The following ZNHIT1 variants were observed in gnomAD, a reference collection of about 807,000 sequenced individuals.
The protein encoded by ZNHIT1 is zinc finger HIT-type containing 1, also known as zinc finger HIT domain-containing protein 1.
A neutral mutation model predicts 21.4 loss-of-function variants in ZNHIT1; 20 were observed. The observed-to-expected ratio is 0.93, with a 90% CI of 0.66 to 1.36. The LOEUF (loss-of-function observed/expected upper bound fraction) is 1.36. ZNHIT1 is among the 40% of genes most tolerant of loss of function. The pLI is 0.00. For missense variants in ZNHIT1, 170 were observed against 213.5 expected (o/e 0.80, Z 1.27); for synonymous variants, 79 against 84.0 (o/e 0.94, Z 0.32).
chr7:101,224,163 TG>T lies in ZNHIT1; in HGVS notation c.*206del. 1.4e-6 allele frequency: 1 copy of T among 737,500 alleles called. No homozygotes were observed. The highest frequency in any genetic ancestry group is 2.2e-6 in the Non-Finnish European group (1 of 459,498). The allele number at this position is 737,500 out of a possible 1,614,324, so 45.7% of individuals were successfully genotyped here. On this transcript the variant is annotated 3_prime_UTR_variant, in exon 5 of 5. Transcript: ENST00000305105. ...GCAGGTAGGCTGGGCCCCCCAGTGC[TG>T]TTAGAATAAAAAGCCTCGTGCCGGA...
Position 101,223,851 on chromosome 7 carries a change from G to A in ZNHIT1, c.443+9G>A, listed in dbSNP as rs201400463. 6.2e-7 allele frequency: 1 copy of A among 1,614,028 alleles called. No individual in the cohort carries two copies. The highest frequency in any genetic ancestry group is 1.1e-5 in the South Asian group (1 of 91,076). On this transcript the variant is annotated intron_variant, in intron 4 of 4. Transcript: ENST00000305105. Reference sequence around the variant, plus strand: ...ACCCACCAGGAGACCAGGTGAGCATGAGACCTGCTGTCCACTCCCACTCCC... The same window carrying A: ...ACCCACCAGGAGACCAGGTGAGCATAAGACCTGCTGTCCACTCCCACTCCC...
chr7:101,223,647 C>T (rs1798407609), intron 3 of ZNHIT1, 26 bp from the exon 4 acceptor site: 1 of 1,611,854 alleles, frequency 6.2e-7, no homozygotes, highest in Admixed American at 1.7e-5. Flanking sequence ...CGGAGGAGTT[C>T]TAGAGCCGGC....
Position 101,218,181 on chromosome 7 carries a change from AGTTGT to A in ZNHIT1, c.-8_-4del. The A allele has an allele frequency of 6.2e-7, 1 of 1,612,698 alleles. No individual in the cohort carries two copies. Among genetic ancestry groups the A allele is most frequent in the Non-Finnish European group, 8.5e-7 (1 of 1,179,128 alleles). ...CGCGTGCGCAGCAGTTTCTTCCGACAGTTGTGTTGTGCCAATGGTGGAGAAGAAAA... is the reference window on the plus strand; with the variant it reads ...CGCGTGCGCAGCAGTTTCTTCCGACAGTTGTGCCAATGGTGGAGAAGAAAA... On this transcript the variant is annotated 5_prime_UTR_variant, in exon 1 of 5. Coordinates refer to ENST00000305105, the MANE Select transcript of ZNHIT1 (RefSeq NM_006349.3).
chr7:101,219,007 A>G (rs938698497), intron 1 of ZNHIT1: 9 of 152,372 alleles, frequency 5.9e-5, no homozygotes, highest in Admixed American at 4.6e-4. Flanking sequence ...TTACAGAGTA[A>G]TAAGAAAGGA....
In ZNHIT1 at chr7:101,223,776, A is replaced by G; in HGVS notation, c.377A>G (p.Tyr126Cys). 4 of 1,613,818 alleles carry G rather than the reference A, an allele frequency of 2.5e-6. No homozygotes were observed. The highest frequency in any genetic ancestry group is 3.4e-6 in the Non-Finnish European group (4 of 1,179,936). Residue 126 changes from tyrosine (Y) to cysteine (C), a missense_variant, in exon 4 of 5, where the codon TAC (tyrosine) becomes TGC (cysteine). Physicochemically the swap from Tyr to Cys is radical, Grantham distance 194. Coordinates refer to ENST00000305105, the MANE Select transcript of ZNHIT1 (RefSeq NM_006349.3). Reference protein sequence around the residue: ...FCAVCGFPSPYTCVSCGARYC... With the variant: ...FCAVCGFPSPCTCVSCGARYC... ...GCTGTCTGTGGCTTCCCATCCCCCTACACCTGTGTCAGCTGCGGTGCCCGG... is the reference window on the plus strand; with the variant it reads ...GCTGTCTGTGGCTTCCCATCCCCCTGCACCTGTGTCAGCTGCGGTGCCCGG...
At chr7:101,218,732 A>C (rs1160677871) in intron 1 of ZNHIT1, 3 of 158,928 alleles carry the variant, frequency 1.9e-5, no homozygotes, top group Non-Finnish European at 2.8e-5. Flanking sequence ...AGGGGGGCAG[A>C]AACGCAGACC....
intron 2 of ZNHIT1, 150 bp from the exon 3 acceptor site, chr7:101,223,327 A>G (rs1798402721): frequency 3.5e-6 from 3 of 852,232 alleles, no homozygotes; most frequent in Non-Finnish European, 5.6e-6. Context: ...CAGTGAGTCA[A>G]GATCGCACCA....
rs1367349400 is a variant in ZNHIT1, at chr7:101,222,679, A to G, written c.98A>G (p.Glu33Gly). ...CAGCGTCGCATCAACCGGCAGCTGG[A>G]GGCCCTGGAGAATGACAACTTCCAG... ...ARQRRINRQL[E>G]ALENDNFQDD... Residue 33 changes from glutamate to glycine, a missense_variant, in exon 2 of 5, where the codon GAG becomes GGG. Glu to Gly is a moderately conservative substitution (Grantham distance 98). Coordinates refer to ENST00000305105, the MANE Select transcript of ZNHIT1 (RefSeq NM_006349.3). 1 of 1,614,180 alleles carries G rather than the reference A, an allele frequency of 6.2e-7. No homozygotes were observed. The highest frequency in any genetic ancestry group is 8.5e-7 in the Non-Finnish European group (1 of 1,180,004).
intron 1 of ZNHIT1, 103 bp downstream of exon 1, chr7:101,218,320 C>A: frequency 7.4e-7 from 1 of 1,352,848 alleles, no homozygotes; most frequent in Non-Finnish European, 1.0e-6. Flanking sequence ...TTCGCCTAGG[C>A]TGGAGTGCAG....
chr7:101,219,069 G>T (rs577481531), intron 1 of ZNHIT1: 1 of 152,268 alleles, frequency 6.6e-6, no homozygotes, highest in South Asian at 2.1e-4. Context: ...ACACTGCCCA[G>T]GAGTTTGAAC....
Position 101,223,563 on chromosome 7 carries a change from G to C in ZNHIT1, c.273+7G>C. The stretch of plus-strand genomic sequence containing the variant: ...GGCCCTGTTGGAGGAGCAGGTGAGA[G>C]GAGGGTCGGCCTGGGAGGACCCCAC... On this transcript the variant is annotated splice_region_variant and intron_variant, in intron 3 of 4. Transcript: ENST00000305105. 1 of 1,614,164 alleles carries C rather than the reference G, an allele frequency of 6.2e-7. No homozygotes were observed. The highest frequency in any genetic ancestry group is 8.5e-7 in the Non-Finnish European group (1 of 1,180,012).
rs765100619 is a variant in ZNHIT1, at chr7:101,223,807, C to T, written c.408C>T (p.Cys136=). ...YTCVSCGARY[C]TVRCLGTHQE... is the part of the protein sequence containing the mutation. ...GTGTCAGCTGCGGTGCCCGGTACTG[C>T]ACTGTGCGCTGTCTGGGGACCCACC... is the stretch of plus-strand genomic sequence containing the variant. The change falls in exon 4 of 5, where the codon TGC becomes TGT. Residue 136 remains cysteine, a synonymous_variant. Transcript: ENST00000305105. The T allele has an allele frequency of 3.1e-6, 5 of 1,614,152 alleles. No homozygotes were observed. The South Asian group carries it at 5.5e-5, about 18-fold the overall frequency.
chr7:101,222,574 C>T, intron 1 of ZNHIT1, 30 bp from the exon 2 acceptor site: 1 of 1,595,336 alleles, frequency 6.3e-7, no homozygotes, highest in Non-Finnish European at 8.5e-7. Context: ...CTTGGAAGCC[C>T]TGTAACTTTG....
chr7:101,218,844 C>G (rs2116817325), intron 1 of ZNHIT1: 1 of 152,788 alleles, frequency 6.5e-6, no homozygotes, highest in Middle Eastern at 3.4e-3. Context: ...TTCTGGGAGG[C>G]AGGGGACTGT....
intron 1 of ZNHIT1, 22 bp from the exon 2 acceptor site, chr7:101,222,580 CTT>C: frequency 6.3e-7 from 1 of 1,597,428 alleles, no homozygotes; most frequent in Non-Finnish European, 8.5e-7. Flanking sequence ...AGCCCTGTAA[CTT>C]TGCGTGCCCT....
chr7:101,223,169 C>T (rs927162603), intron 2 of ZNHIT1, among the ~76,000 whole-genome samples: 4 of 152,202 alleles, frequency 2.6e-5, no homozygotes, highest in Admixed American at 2.6e-4. Context: ...GTCAGGAGTT[C>T]AAGACCAGCC....
In ZNHIT1 at chr7:101,223,489, AG is replaced by A; in HGVS notation, c.207del (p.Thr71ProfsTer23). On this transcript the variant is annotated frameshift_variant, in exon 3 of 5. Coordinates refer to ENST00000305105, the MANE Select transcript of ZNHIT1 (RefSeq NM_006349.3). LOFTEE classifies it high-confidence loss of function. The stretch of plus-strand genomic sequence containing the variant: ...CCTTGACCCCTAGGAAAGAAAAAGA[AG>A]AAAACCCGAGGTGATCATTTTAAAC... ...DDDADTGKKK[K>X]KTRGDHFKLR... 2 of 1,614,198 alleles carry A rather than the reference AG, an allele frequency of 1.2e-6. No individual in the cohort carries two copies. The highest frequency in any genetic ancestry group is 1.7e-6 in the Non-Finnish European group (2 of 1,180,010).
intron 1 of ZNHIT1, chr7:101,218,538 A>T (rs1199962029): frequency 2.7e-6 from 1 of 373,434 alleles, no homozygotes; most frequent in Non-Finnish European, 4.8e-6. Flanking sequence ...GGCCTTCCAA[A>T]GTGCTGGGAT....
intron 2 of ZNHIT1, among the ~76,000 whole-genome samples, chr7:101,222,976 T>G (rs1457227770): frequency 3.9e-5 from 6 of 152,156 alleles, no homozygotes; most frequent in Non-Finnish European, 8.8e-5. Flanking sequence ...CTGGATAAGC[T>G]CTGACACGAA....
Sources: gnomAD v4.1 joint callset for allele counts (sites outside exome capture counted in the v4.1 genomes callset) on GRCh38, gnomAD v4.1.1 for gene constraint, MANE v1.5 for transcripts, NCBI Gene and HGNC (gene_info 2026-07-23, HGNC 2026-07-21) for gene names.